The following GMDS variants were observed in gnomAD, a reference collection of about 807,000 sequenced individuals.
GMDS encodes the protein GDP-mannose 4,6 dehydratase.
Under a neutral mutation model 49.9 loss-of-function variants are expected in GMDS, and 20 were observed. That is an observed-to-expected ratio of 0.40 (90% CI 0.28 to 0.58). The LOEUF (loss-of-function observed/expected upper bound fraction) is 0.58. Among genes scored for constraint, GMDS ranks in the 20% least tolerant of loss-of-function variants. The probability of loss-of-function intolerance (pLI) is 0.42; values close to 1 mark genes in which losing one functional copy is unlikely to be tolerated. For missense variants in GMDS, 362 were observed against 481.4 expected (o/e 0.75, Z 2.32); for synonymous variants, 177 against 178.6 (o/e 0.99, Z 0.07).
chr6:2,031,833 C>T (rs1768983212), intron 4 of GMDS, among the ~76,000 whole-genome samples: 1 of 152,180 alleles, frequency 6.6e-6, no homozygotes, highest in Admixed American at 6.5e-5. Flanking sequence ...TAAATGCTAA[C>T]AACTAAGTTG....
intron 4 of GMDS, among the ~76,000 whole-genome samples, chr6:2,112,503 G>A (rs544381280): frequency 3.3e-5 from 5 of 152,180 alleles, no homozygotes; most frequent in South Asian, 4.2e-4. Context: ...ATGCAAGTTC[G>A]AAGACCCCAC....
At chr6:2,147,860 C>T (rs1407539636) in intron 1 of GMDS, among the ~76,000 whole-genome samples, 1 of 148,806 alleles carries the variant, frequency 6.7e-6, no homozygotes, top group Non-Finnish European at 1.5e-5. Context: ...TAGATAATTC[C>T]ACAACGTAGA....
chr6:2,041,225 C>A (rs1769655599), intron 4 of GMDS, among the ~76,000 whole-genome samples: 1 of 152,052 alleles, frequency 6.6e-6, no homozygotes, highest in Non-Finnish European at 1.5e-5. Context: ...TTTCTAATAA[C>A]TGCAAAGCCT....
intron 4 of GMDS, among the ~76,000 whole-genome samples, chr6:2,042,897 C>A (rs183404675): frequency 7.9e-5 from 12 of 152,290 alleles, no homozygotes; most frequent in African/African-American, 2.9e-4. Context: ...CACAAACACC[C>A]TCCAAAATGT....
chr6:2,147,182 C>T (rs1776597803), intron 1 of GMDS, among the ~76,000 whole-genome samples: 1 of 152,148 alleles, frequency 6.6e-6, no homozygotes, highest in Admixed American at 6.5e-5. Context: ...AAGAGAAAAA[C>T]AGTACTATTC....
At chr6:1,908,075 GAACACA>G (rs1760867300) in intron 7 of GMDS, among the ~76,000 whole-genome samples, 1 of 152,128 alleles carries the variant, frequency 6.6e-6, no homozygotes, top group Non-Finnish European at 1.5e-5. Context: ...AGGATTCAGT[GAACACA>G]AACACTACAA....
chr6:2,122,029 C>T (rs761591305), intron 2 of GMDS, among the ~76,000 whole-genome samples: 16 of 152,232 alleles, frequency 1.1e-4, no homozygotes, highest in Admixed American at 2.0e-4. Context: ...CCTGGTTTGT[C>T]CTCTGCTATC....
chr6:1,870,317 G>A (rs1265232248), intron 7 of GMDS, among the ~76,000 whole-genome samples: 1 of 152,180 alleles, frequency 6.6e-6, no homozygotes, highest in African/African-American at 2.4e-5. Flanking sequence ...CATTCTATGA[G>A]CTCTTCCAGA....
chr6:1,932,360 T>C (rs1762326204), intron 6 of GMDS, among the ~76,000 whole-genome samples: 1 of 152,036 alleles, frequency 6.6e-6, no homozygotes, highest in Non-Finnish European at 1.5e-5. Flanking sequence ...GAAGCTGAGA[T>C]TCAGGGAAGC....
At chr6:2,094,542 A>G (rs1773488694) in intron 4 of GMDS, among the ~76,000 whole-genome samples, 1 of 151,084 alleles carries the variant, frequency 6.6e-6, no homozygotes, top group Admixed American at 6.6e-5. Flanking sequence ...ACCACATTCT[A>G]TAAGGACAGT....
chr6:1,920,003 T>C (rs979573651), intron 7 of GMDS, among the ~76,000 whole-genome samples: 1 of 152,238 alleles, frequency 6.6e-6, no homozygotes, highest in Admixed American at 6.5e-5. Flanking sequence ...GATTGAACTT[T>C]CTTCTTTACC....
chr6:2,214,314 T>C (rs977491163), intron 1 of GMDS, among the ~76,000 whole-genome samples: 8 of 152,212 alleles, frequency 5.3e-5, no homozygotes, highest in African/African-American at 1.9e-4. Flanking sequence ...CCGAATACAG[T>C]TGGCCCCTAT....
chr6:1,729,955 G>C (rs926498767), intron 8 of GMDS, among the ~76,000 whole-genome samples: 4 of 151,806 alleles, frequency 2.6e-5, no homozygotes, highest in African/African-American at 9.7e-5. Context: ...CATGAGTCAA[G>C]TTTGGGGCTA....
intron 2 of GMDS, among the ~76,000 whole-genome samples, chr6:2,119,584 A>C (rs1775028243): frequency 6.6e-6 from 1 of 152,236 alleles, no homozygotes; most frequent in Non-Finnish European, 1.5e-5. Flanking sequence ...TGCAAACTGC[A>C]CAATCTAGTT....
At chr6:1,642,721 C>T (rs992891382) in intron 9 of GMDS, among the ~76,000 whole-genome samples, 1 of 152,188 alleles carries the variant, frequency 6.6e-6, no homozygotes, top group African/African-American at 2.4e-5. Flanking sequence ...ATGATGGCTT[C>T]TTGTGTCTTT....
In GMDS at chr6:2,033,218, C is replaced by T. The variant is rs539891417; in HGVS notation, c.346-72252G>A. ...TCACTGAATCAATAATGCAATGATT[C>T]ATTAACCAATGCATAATAATTGCTG... is the stretch of plus-strand genomic sequence containing the variant. On this transcript the variant is annotated intron_variant, in intron 4 of 10. Transcript: ENST00000380815. Among the ~76,000 whole-genome samples, 3 of 152,256 alleles carry T rather than the reference C, an allele frequency of 2.0e-5. No individual in the cohort carries two copies. The South Asian group carries it at 6.2e-4, about 32-fold the overall frequency.
At chr6:1,814,464 C>T (rs1246528097) in intron 7 of GMDS, among the ~76,000 whole-genome samples, 1 of 152,088 alleles carries the variant, frequency 6.6e-6, no homozygotes, top group Non-Finnish European at 1.5e-5. Context: ...CTTTGGAACC[C>T]TCAGGACCAC....
intron 7 of GMDS, among the ~76,000 whole-genome samples, chr6:1,839,582 A>G (rs1323698616): frequency 2.6e-5 from 4 of 152,194 alleles, no homozygotes; most frequent in Non-Finnish European, 4.4e-5. Flanking sequence ...CTGGTTGTGT[A>G]CAATTATCCC....
chr6:2,228,577 C>CAA (rs1271259326), intron 1 of GMDS, among the ~76,000 whole-genome samples: 11 of 152,186 alleles, frequency 7.2e-5, no homozygotes, highest in Admixed American at 6.5e-5. Context: ...AGAACTGATC[C>CAA]AAAGTGTGTG....
Sources: gnomAD v4.1 joint callset for allele counts (sites outside exome capture counted in the v4.1 genomes callset) on GRCh38, gnomAD v4.1.1 for gene constraint, MANE v1.5 for transcripts, NCBI Gene and HGNC (gene_info 2026-07-23, HGNC 2026-07-21) for gene names.